The following SDK1 variants were observed in gnomAD, a reference collection of about 807,000 sequenced individuals.
SDK1 encodes the protein protein sidekick-1.
Under a neutral mutation model 245.5 loss-of-function variants are expected in SDK1, and 157 were observed. The observed-to-expected ratio is 0.64, with a 90% CI of 0.56 to 0.73. The LOEUF is 0.73. Ranked by LOEUF, SDK1 falls within the 30% of genes least tolerant of loss-of-function variation. The pLI is 0.00. For missense variants in SDK1, 3,583 were observed against 3,002.3 expected (o/e 1.19, Z -4.52); for synonymous variants, 1,647 against 1,278.5 (o/e 1.29, Z -6.15).
At chr7:3,615,783 C>G (rs73673649) in intron 1 of SDK1, among the ~76,000 whole-genome samples, 16 of 151,588 alleles carry the variant, frequency 1.1e-4, no homozygotes, top group Admixed American at 1.1e-3. Flanking sequence ...GGTGTCCTCC[C>G]ACTATTCCAC....
intron 32 of SDK1, among the ~76,000 whole-genome samples, chr7:4,166,165 G>A (rs1035166606): frequency 2.6e-5 from 4 of 152,234 alleles, no homozygotes; most frequent in South Asian, 2.1e-4. Context: ...GAGGCTCTCA[G>A]TGTAAAAGGC....
chr7:3,894,538 A>G (rs1781547163), intron 5 of SDK1, among the ~76,000 whole-genome samples: 1 of 139,858 alleles, frequency 7.2e-6, no homozygotes, highest in South Asian at 2.3e-4. Flanking sequence ...ACTGAAAGGA[A>G]CCCTGAGCCT....
chr7:3,444,580 T>C (rs1337762531), intron 1 of SDK1, among the ~76,000 whole-genome samples: 5 of 152,210 alleles, frequency 3.3e-5, no homozygotes, highest in Non-Finnish European at 7.3e-5. Flanking sequence ...CACCCAGAAC[T>C]GGACACACTC....
chr7:3,323,369 G>T (rs1463429284), intron 1 of SDK1, among the ~76,000 whole-genome samples: 3 of 152,200 alleles, frequency 2.0e-5, no homozygotes, highest in Non-Finnish European at 4.4e-5. Flanking sequence ...TGCTGGTGCC[G>T]ATTGAATTTC....
At chr7:3,683,940 C>T (rs761728193) in intron 4 of SDK1, among the ~76,000 whole-genome samples, 2 of 152,176 alleles carry the variant, frequency 1.3e-5, no homozygotes, top group Admixed American at 1.3e-4. Context: ...CCAATGCAGC[C>T]ACACAGGAAT....
intron 5 of SDK1, among the ~76,000 whole-genome samples, chr7:3,828,052 C>T (rs954580426): frequency 1.3e-5 from 2 of 152,024 alleles, no homozygotes; most frequent in East Asian, 1.9e-4. Context: ...CCAAGGTGGG[C>T]GGATCACCTG....
intron 4 of SDK1, among the ~76,000 whole-genome samples, chr7:3,719,939 T>C (rs541312403): frequency 1.3e-4 from 19 of 150,704 alleles, no homozygotes; most frequent in African/African-American, 4.6e-4. Flanking sequence ...ATCGTGCCAC[T>C]GCACCCCAGT....
intron 4 of SDK1, among the ~76,000 whole-genome samples, chr7:3,687,581 A>G (rs1309051351): frequency 2.0e-5 from 3 of 152,222 alleles, no homozygotes; most frequent in Non-Finnish European, 4.4e-5. Flanking sequence ...ACTTGGATGC[A>G]TCTCCAAGAA....
intron 4 of SDK1, among the ~76,000 whole-genome samples, chr7:3,661,840 G>T (rs1371849109): frequency 6.6e-6 from 1 of 152,134 alleles, no homozygotes; most frequent in African/African-American, 2.4e-5. Flanking sequence ...ACACTTTCCT[G>T]TTGTGTAAAG....
intron 5 of SDK1, among the ~76,000 whole-genome samples, chr7:3,830,393 T>G (rs1175685674): frequency 6.6e-6 from 1 of 152,228 alleles, no homozygotes; most frequent in Non-Finnish European, 1.5e-5. Flanking sequence ...GTCCCCTTGT[T>G]AAATGTCTCA....
intron 36 of SDK1, among the ~76,000 whole-genome samples, chr7:4,207,439 C>A (rs564192329): frequency 7.2e-5 from 11 of 152,290 alleles, no homozygotes; most frequent in Admixed American, 5.2e-4. Flanking sequence ...GCGTCAAGTT[C>A]AACTACAAGC....
chr7:4,106,613 G>A (rs866472124), intron 22 of SDK1, among the ~76,000 whole-genome samples: 1 of 152,140 alleles, frequency 6.6e-6, no homozygotes, highest in African/African-American at 2.4e-5. Context: ...GTTTGTGACC[G>A]TGCAGTGGTT....
intron 14 of SDK1, among the ~76,000 whole-genome samples, chr7:3,997,155 T>G (rs111632602): frequency 6.6e-6 from 1 of 152,224 alleles, no homozygotes; most frequent in Non-Finnish European, 1.5e-5. Flanking sequence ...TATTGGAAAT[T>G]GTTACGGGAT....
intron 17 of SDK1, among the ~76,000 whole-genome samples, chr7:4,045,848 CGTT>C (rs1202216122): frequency 6.6e-6 from 1 of 152,096 alleles, no homozygotes; most frequent in Non-Finnish European, 1.5e-5. Context: ...GATTTCCTGT[CGTT>C]CTATTGGCTT....
chr7:3,650,864 C>G (rs1418496335), intron 4 of SDK1, among the ~76,000 whole-genome samples: 4 of 146,920 alleles, frequency 2.7e-5, no homozygotes, highest in African/African-American at 1.0e-4. Flanking sequence ...TTCCCTGATT[C>G]ATCCAGGTTA....
chr7:4,006,195 C>T (rs1046551538), intron 14 of SDK1, among the ~76,000 whole-genome samples: 1 of 152,016 alleles, frequency 6.6e-6, no homozygotes, highest in African/African-American at 2.4e-5. Flanking sequence ...GATTGGAAAC[C>T]ACCAGCTTTT....
chr7:3,538,650 C>T (rs779257812), intron 1 of SDK1, among the ~76,000 whole-genome samples: 12 of 152,122 alleles, frequency 7.9e-5, no homozygotes, highest in Non-Finnish European at 1.2e-4. Context: ...GAGAACTGAC[C>T]AAGTCCACAT....
At position 3,808,916 on chromosome 7, in the gene SDK1, T is replaced by A. The variant is rs184521199; in HGVS notation, c.714-12534T>A. ...TTTTCATCTTCATTGTTGATGGTGTTTGTGCGTGAGCATGATCTATCCCTG... is the reference window on the plus strand; with the variant it reads ...TTTTCATCTTCATTGTTGATGGTGTATGTGCGTGAGCATGATCTATCCCTG... On this transcript the variant is annotated intron_variant, in intron 4 of 44. Coordinates refer to ENST00000404826, the MANE Select transcript of SDK1 (RefSeq NM_152744.4). Among the ~76,000 whole-genome samples, 3 of 152,208 alleles carry A rather than the reference T, an allele frequency of 2.0e-5. No homozygotes were observed. In the South Asian group the frequency reaches 6.2e-4, roughly 32 times the overall value.
At chr7:4,194,555 G>A (rs756208205) in intron 35 of SDK1, among the ~76,000 whole-genome samples, 7 of 151,952 alleles carry the variant, frequency 4.6e-5, no homozygotes, top group Non-Finnish European at 1.0e-4. Context: ...CTGCAAGCTC[G>A]AGGAGCAAGC....
Sources: allele counts gnomAD v4.1 joint callset (sites outside exome capture counted in the v4.1 genomes callset), GRCh38; gene constraint gnomAD v4.1.1; transcripts MANE v1.5; gene names NCBI Gene and HGNC (gene_info 2026-07-23, HGNC 2026-07-21).